EVC: variants seen among roughly 807,000 people sequenced by gnomAD.
EVC encodes EvC ciliary complex subunit 1, also known as evC complex member EVC.
In EVC, 116 loss-of-function variants were observed where a neutral mutation model predicts 118.9. The observed-to-expected ratio is 0.98, with a 90% CI of 0.84 to 1.14. The LOEUF (loss-of-function observed/expected upper bound fraction) is 1.14, where lower values mean the gene tolerates loss of function less well. EVC is among the 50% of genes most tolerant of loss of function. EVC has a pLI of 0.00. For missense variants in EVC, 1,401 were observed against 1,246.4 expected, an observed-to-expected ratio of 1.12 and a Z score of -1.87; for synonymous variants, 619 against 534.7, an observed-to-expected ratio of 1.16 and a Z score of -2.18.
intron 13 of EVC, among the ~76,000 whole-genome samples, chr4:5,794,227 AT>A (rs1339589586): frequency 1.2e-4 from 13 of 107,294 alleles, no homozygotes; most frequent in East Asian, 7.8e-4. Context: ...TATGAGAAAA[AT>A]ATATATATAT....
chr4:5,747,343 T>A (rs2152039459), intron 7 of EVC, among the ~76,000 whole-genome samples: 1 of 152,298 alleles, frequency 6.6e-6, no homozygotes, highest in Non-Finnish European at 1.5e-5. Flanking sequence ...TGAGCCAAGA[T>A]GGAGGCAACC....
rs144389982 is a variant in EVC, at chr4:5,805,975, T to G, written c.2561+1134T>G. 6.0e-3 allele frequency among the ~76,000 whole-genome samples: 904 copies of G among 151,640 alleles called. 28 individuals are homozygous for G. The highest frequency in any genetic ancestry group is 0.046 in the Admixed American group (697 of 15,210). On this transcript the variant is annotated intron_variant, in intron 17 of 20. Transcript: ENST00000264956. ...ATAGTGGTGAAGTCTGAGCCTTTAT[T>G]GTAACCATCACCCAAATAGTGTACG...
In EVC at chr4:5,753,937, A is replaced by G; in HGVS notation, c.1464+4A>G. On this transcript the variant is annotated splice_donor_region_variant and intron_variant, in intron 10 of 20. Coordinates refer to ENST00000264956, the MANE Select transcript of EVC (RefSeq NM_153717.3). Reference sequence around the variant, plus strand: ...TGACCCGGAAAAGTTTCTCGAGGTGACTCACATCCCCAGCCTCTGCACATG... The same window carrying G: ...TGACCCGGAAAAGTTTCTCGAGGTGGCTCACATCCCCAGCCTCTGCACATG... 6.2e-7 allele frequency: 1 copy of G among 1,612,702 alleles called. No homozygotes were observed. The highest frequency in any genetic ancestry group is 8.5e-7 in the Non-Finnish European group (1 of 1,179,998).
At chr4:5,817,081 G>A (rs1197770192), downstream of EVC, among the ~76,000 whole-genome samples, 1 of 152,220 alleles carries the variant, frequency 6.6e-6, no homozygotes, top group Non-Finnish European at 1.5e-5. Flanking sequence ...GGGCCGCCTG[G>A]CCCAGGAGAA....
In EVC at chr4:5,798,095, G is replaced by A. The variant is rs1714312058; in HGVS notation, c.2098-491G>A. 2.6e-5 allele frequency among the ~76,000 whole-genome samples: 4 copies of A among 152,122 alleles called. No individual in the cohort carries two copies. The highest frequency in any genetic ancestry group is 1.3e-4 in the Admixed American group (2 of 15,276). ...GGAGCAGGCAGGACTCACGGACCTC[G>A]CTACAGCCCCGCTCACTTCTTTCTC... is the stretch of plus-strand genomic sequence containing the variant. On this transcript the variant is annotated intron_variant, in intron 14 of 20. Transcript: ENST00000264956. The surrounding 1 kb of genome is among the most constrained non-coding windows in gnomAD (Gnocchi z 4.1).
chr4:5,784,077 G>A (rs1216001802), intron 12 of EVC, among the ~76,000 whole-genome samples: 1 of 152,138 alleles, frequency 6.6e-6, no homozygotes, highest in African/African-American at 2.4e-5. Context: ...ACAGGGAGTG[G>A]GCTCAGTGGG....
chr4:5,757,724 G>T (rs1731393257), intron 11 of EVC, among the ~76,000 whole-genome samples: 1 of 152,146 alleles, frequency 6.6e-6, no homozygotes, highest in Non-Finnish European at 1.5e-5. Context: ...ATGGGATTAG[G>T]GCCCCACCCT....
At chr4:5,779,550 C>T (rs956111301) in intron 11 of EVC, among the ~76,000 whole-genome samples, 11 of 137,298 alleles carry the variant, frequency 8.0e-5, no homozygotes, top group Admixed American at 3.0e-4. Context: ...TTGAAGAGGT[C>T]CTTCACATCC....
rs78275936 is a variant in EVC, at chr4:5,809,875, A to G, written c.2782+264A>G. On this transcript the variant is annotated intron_variant, in intron 19 of 20. Transcript: ENST00000264956. ...TAACTGACTCCATTTTTCCATCTGT[A>G]AAGTGGGGATAAGCCCTCCTCCCAC... Among the ~76,000 whole-genome samples, 4,652 of 152,228 alleles carry G rather than the reference A, an allele frequency of 0.031. 162 individuals carry two copies. Among genetic ancestry groups the G allele is most frequent in the African/African-American group, 0.087 (3,601 of 41,528 alleles).
Position 5,738,713 on chromosome 4 carries a change from C to T in EVC, c.703-3003C>T, listed in dbSNP as rs1728058720. Among the ~76,000 whole-genome samples the T allele has an allele frequency of 2.0e-5, 3 of 151,818 alleles. No individual in the cohort carries two copies. Among genetic ancestry groups the T allele is most frequent in the African/African-American group, 4.8e-5 (2 of 41,318 alleles). ...TCCCGAGCAGCTGGGACCACAGGCG[C>T]GCACCACCTCGCCCAGACAATTTTT... On this transcript the variant is annotated intron_variant, in intron 5 of 20. Transcript: ENST00000264956. This position sits in a 1 kb window ranked among gnomAD's most constrained non-coding sequence, Gnocchi z 6.5.
rs1401534495 is a variant in EVC at position 5,737,303 on chromosome 4, A to G, written c.702+3868A>G. On this transcript the variant is annotated intron_variant, in intron 5 of 20. Coordinates refer to ENST00000264956, the MANE Select transcript of EVC (RefSeq NM_153717.3). The surrounding 1 kb of genome is among the most constrained non-coding windows in gnomAD (Gnocchi z 5.0). ...AAAGAAAGAAGCTGTCTCCAGAACA[A>G]ACAAAAGTGCAAGGTGAAGCAGCAG... Among the ~76,000 whole-genome samples the G allele has an allele frequency of 6.6e-6, 1 of 152,242 alleles. No individual in the cohort carries two copies. Among genetic ancestry groups the G allele is most frequent in the Non-Finnish European group, 1.5e-5 (1 of 68,048 alleles).
intron 5 of EVC, among the ~76,000 whole-genome samples, chr4:5,736,148 C>T (rs780538002): frequency 5.9e-5 from 9 of 152,064 alleles, no homozygotes; most frequent in Non-Finnish European, 1.3e-4. Context: ...AGGATGAGAA[C>T]AGATTGGGGG....
chr4:5,760,997 G>A (rs530573144), intron 11 of EVC, among the ~76,000 whole-genome samples: 1 of 152,256 alleles, frequency 6.6e-6, no homozygotes, highest in East Asian at 1.9e-4. Context: ...ATTGCCTTTG[G>A]TTACTGGAAA....
chr4:5,735,631 T>A (rs1169967471), intron 5 of EVC, among the ~76,000 whole-genome samples: 1 of 152,174 alleles, frequency 6.6e-6, no homozygotes, highest in East Asian at 1.9e-4. Flanking sequence ...TTTACTTTTT[T>A]GAAGCTTTAC....
intron 16 of EVC, among the ~76,000 whole-genome samples, chr4:5,804,039 C>A (rs1268216450): frequency 6.6e-6 from 1 of 151,622 alleles, no homozygotes; most frequent in Non-Finnish European, 1.5e-5. Flanking sequence ...TTCCTGTGTT[C>A]CAGCAATTCT....
chr4:5,740,315 A>G (rs1388128669), intron 5 of EVC, among the ~76,000 whole-genome samples: 1 of 152,070 alleles, frequency 6.6e-6, no homozygotes, highest in Non-Finnish European at 1.5e-5. Context: ...TACTAAAAAT[A>G]CAAAAATTAG....
chr4:5,752,925 GC>G lies in EVC; in HGVS notation c.1189del (p.Leu397TrpfsTer103), dbSNP rs1560340365. ...AAGTCCAGGAGGAGACCAGGTGCCG[GC>G]TGGCTGCCATCTCCCACGGCCTGGA... Reference protein sequence around the residue: ...LQVQEETRCRLAAISHGLELL... With the variant: ...LQVQEETRCRXAAISHGLELL... On this transcript the variant is annotated frameshift_variant, in exon 9 of 21. Coordinates refer to ENST00000264956, the MANE Select transcript of EVC (RefSeq NM_153717.3). LOFTEE classifies it high-confidence loss of function. 3.7e-6 allele frequency: 6 copies of G among 1,614,162 alleles called. No individual in the cohort carries two copies. Among genetic ancestry groups the G allele is most frequent in the Non-Finnish European group, 5.1e-6 (6 of 1,180,032 alleles).
intron 12 of EVC, among the ~76,000 whole-genome samples, chr4:5,784,116 G>A (rs1161755378): frequency 6.6e-6 from 1 of 152,168 alleles, no homozygotes; most frequent in Non-Finnish European, 1.5e-5. Context: ...CAGGACTCCT[G>A]TTTTTCAGTG....
chr4:5,773,048 C>T (rs533644805), intron 11 of EVC, among the ~76,000 whole-genome samples: 1 of 152,304 alleles, frequency 6.6e-6, no homozygotes, highest in African/African-American at 2.4e-5. Context: ...TGAACTCCCT[C>T]GGGTCTGGGT....
Sources: gnomAD v4.1 joint callset for allele counts (sites outside exome capture counted in the v4.1 genomes callset) on GRCh38, gnomAD v4.1.1 for gene constraint, Gnocchi (gnomAD v3.1) non-coding constraint, MANE v1.5 for transcripts, NCBI Gene and HGNC (gene_info 2026-07-23, HGNC 2026-07-21) for gene names.